The following PKHD1 variants were observed in gnomAD, a reference collection of about 807,000 sequenced individuals.
PKHD1 encodes fibrocystin.
In PKHD1, 291 loss-of-function variants were observed where a neutral mutation model predicts 412.0. The observed-to-expected ratio is 0.71, with a 90% CI of 0.64 to 0.78. The LOEUF (loss-of-function observed/expected upper bound fraction) is 0.78. Among genes scored for constraint, PKHD1 ranks in the 30% least tolerant of loss-of-function variants. PKHD1 has a pLI of 0.00. For missense variants in PKHD1, 4,825 were observed against 4,950.7 expected (o/e 0.97, Z 0.76); for synonymous variants, 1,777 against 1,821.5 (o/e 0.98, Z 0.62).
chr6:51,977,413 G>A (rs1794603327), intron 35 of PKHD1, among the ~76,000 whole-genome samples: 1 of 152,200 alleles, frequency 6.6e-6, no homozygotes, highest in Non-Finnish European at 1.5e-5. Context: ...CATGTCCCAT[G>A]CCTTCATTTA....
rs927056049 is a variant in PKHD1, at chr6:52,029,323, T to C, written c.3365-972A>G. On this transcript the variant is annotated intron_variant, in intron 29 of 66. Transcript: ENST00000371117. ...CAACTCTATTAAAATGTGTACACTA[T>C]GAACACTTTCATGCAATTTCTTTTA... 2.6e-5 allele frequency among the ~76,000 whole-genome samples: 4 copies of C among 152,346 alleles called. 1 individual carries two copies. The highest frequency in any genetic ancestry group is 5.9e-5 in the Non-Finnish European group (4 of 68,028).
chr6:51,755,675 T>G (rs2151025452), intron 55 of PKHD1, among the ~76,000 whole-genome samples: 1 of 152,286 alleles, frequency 6.6e-6, no homozygotes, highest in East Asian at 1.9e-4. Flanking sequence ...ATTACCAACT[T>G]CAACACCATA....
At chr6:51,802,120 C>T (rs542596653) in intron 52 of PKHD1, among the ~76,000 whole-genome samples, 13 of 152,212 alleles carry the variant, frequency 8.5e-5, no homozygotes, top group Admixed American at 2.0e-4. Flanking sequence ...AATCTAGAGA[C>T]GGTGCTATGC....
chr6:52,019,000 T>C (rs937209311), intron 33 of PKHD1, among the ~76,000 whole-genome samples: 7 of 152,184 alleles, frequency 4.6e-5, no homozygotes, highest in Non-Finnish European at 1.0e-4. Context: ...AGCAAGTATT[T>C]GAAGCATGCT....
intron 29 of PKHD1, among the ~76,000 whole-genome samples, chr6:52,032,002 T>A (rs1484511806): frequency 2.0e-5 from 3 of 152,138 alleles, no homozygotes; most frequent in African/African-American, 7.2e-5. Context: ...ATCACTGAAA[T>A]CTGAATATAA....
At chr6:51,741,427 C>T (rs142928645) in intron 60 of PKHD1, among the ~76,000 whole-genome samples, 470 of 151,876 alleles carry the variant, frequency 3.1e-3, no homozygotes, top group Non-Finnish European at 5.7e-3. Flanking sequence ...TTTTTGGTGG[C>T]CTCAAGGAAG....
At chr6:51,963,378 TC>T (rs1792350494) in intron 35 of PKHD1, among the ~76,000 whole-genome samples, 1 of 152,110 alleles carries the variant, frequency 6.6e-6, no homozygotes, top group Non-Finnish European at 1.5e-5. Flanking sequence ...TGCCCTGAAT[TC>T]CCCTTAGCAT....
intron 60 of PKHD1, among the ~76,000 whole-genome samples, chr6:51,739,122 T>A (rs999034386): frequency 3.4e-5 from 5 of 148,004 alleles, no homozygotes; most frequent in African/African-American, 1.2e-4. Flanking sequence ...TATATTTTTT[T>A]ACATATATAT....
chr6:51,699,767 G>C (rs1410968524), intron 60 of PKHD1, among the ~76,000 whole-genome samples: 1 of 151,956 alleles, frequency 6.6e-6, no homozygotes, highest in East Asian at 1.9e-4. Flanking sequence ...ATTTCTTTTT[G>C]TATCTGTGCT....
intron 36 of PKHD1, among the ~76,000 whole-genome samples, chr6:51,943,258 C>A (rs1399867328): frequency 1.3e-5 from 2 of 151,456 alleles, no homozygotes; most frequent in Non-Finnish European, 3.0e-5. Context: ...TTACCACTTG[C>A]CCTTCTCAGA....
At chr6:51,790,874 T>G (rs961848344) in intron 53 of PKHD1, among the ~76,000 whole-genome samples, 1 of 152,148 alleles carries the variant, frequency 6.6e-6, no homozygotes, top group African/African-American at 2.4e-5. Flanking sequence ...TCAGATGATA[T>G]CAAATCCATC....
At position 51,618,799 on chromosome 6, in the gene PKHD1, T is replaced by C; in HGVS notation, c.*282A>G. On this transcript the variant is annotated 3_prime_UTR_variant, in exon 67 of 67. Transcript: ENST00000371117. ...TCAGTATTACACCATTATCAAGTTG[T>C]TAAAATCAGGCTTAAGTTAAAAACT... 2 of 459,166 alleles carry C rather than the reference T, an allele frequency of 4.4e-6. No homozygotes were observed. The highest frequency in any genetic ancestry group is 4.6e-5 in the East Asian group (1 of 21,902). 28.4% of individuals were successfully genotyped at this position (459,166 alleles called of 1,614,324 possible). A position where few individuals can be genotyped will look rare whatever the true frequency, so the allele number is the denominator to read the frequency against.
intron 60 of PKHD1, among the ~76,000 whole-genome samples, chr6:51,739,228 T>C (rs1213251886): frequency 1.3e-5 from 2 of 150,638 alleles, no homozygotes; most frequent in Non-Finnish European, 3.0e-5. Flanking sequence ...GTATTATATA[T>C]ATAATATATA....
At chr6:51,821,279 T>C (rs1196127507) in intron 52 of PKHD1, among the ~76,000 whole-genome samples, 2 of 152,192 alleles carry the variant, frequency 1.3e-5, no homozygotes, top group Non-Finnish European at 2.9e-5. Flanking sequence ...GCACAAACTT[T>C]AATGGTGATT....
chr6:51,730,635 A>G (rs1433592578), intron 60 of PKHD1, among the ~76,000 whole-genome samples: 1 of 152,222 alleles, frequency 6.6e-6, no homozygotes, highest in Non-Finnish European at 1.5e-5. Context: ...TGAAAATGTA[A>G]ATACATAAAG....
chr6:52,073,368 A>G (rs372429997), intron 7 of PKHD1, 95 bp downstream of exon 7: 1 of 838,790 alleles, frequency 1.2e-6, no homozygotes, highest in South Asian at 1.3e-5. Flanking sequence ...TTCTGTGCCA[A>G]CTGCTTACAA....
At chr6:51,988,797 T>G (rs1415657541) in intron 35 of PKHD1, among the ~76,000 whole-genome samples, 1 of 152,204 alleles carries the variant, frequency 6.6e-6, no homozygotes, top group African/African-American at 2.4e-5. Flanking sequence ...CCCAGGACCT[T>G]GGCGTTGTTA....
At chr6:51,696,744 C>T (rs764896529) in intron 60 of PKHD1, among the ~76,000 whole-genome samples, 4 of 152,048 alleles carry the variant, frequency 2.6e-5, no homozygotes, top group Non-Finnish European at 5.9e-5. Flanking sequence ...TGGGATAGAG[C>T]CCCAGCTGAT....
chr6:52,057,501 C>T (rs1375611984), intron 16 of PKHD1, among the ~76,000 whole-genome samples: 4 of 152,154 alleles, frequency 2.6e-5, no homozygotes, highest in African/African-American at 7.2e-5. Flanking sequence ...ACTGCAACCT[C>T]CGACTCCCTG....
Sources: gnomAD v4.1 joint callset for allele counts (sites outside exome capture counted in the v4.1 genomes callset) on GRCh38, gnomAD v4.1.1 for gene constraint, MANE v1.5 for transcripts, NCBI Gene and HGNC (gene_info 2026-07-23, HGNC 2026-07-21) for gene names.